Variants in PHLDB1 observed in about 807,000 individuals in gnomAD.
PHLDB1 encodes the protein pleckstrin homology-like domain family B member 1.
Under a neutral mutation model 139.3 loss-of-function variants are expected in PHLDB1, and 65 were observed. The observed-to-expected ratio is 0.47, with a 90% confidence interval of 0.38 to 0.57. The LOEUF is 0.57. PHLDB1 is among the 20% of genes least tolerant of loss of function. The pLI is 0.00. For synonymous variants in PHLDB1, 679 were observed against 734.5 expected (o/e 0.92, Z 1.22); for missense variants, 1,624 against 1,839.7 (o/e 0.88, Z 2.14).
chr11:118,650,345 T>C lies in PHLDB1; in HGVS notation c.3772-100T>C, dbSNP rs782137028. 4.0e-6 allele frequency: 4 copies of C among 1,007,968 alleles called. No homozygotes were observed. Among genetic ancestry groups the C allele is most frequent in the Non-Finnish European group, 6.4e-6 (4 of 629,200 alleles). The allele number at this position is 1,007,968 out of a possible 1,614,324, so 62.4% of individuals were successfully genotyped here. ...CCTGGTGTGCTGGCCTGAGGAGATG[T>C]TGGGGACAATCCCCCATGAATACAG... On this transcript the variant is annotated intron_variant, in intron 19 of 22. Coordinates refer to ENST00000600882, the MANE Select transcript of PHLDB1 (RefSeq NM_001144758.3). The surrounding 1 kb of genome is among the most constrained non-coding windows in gnomAD (Gnocchi z 4.7).
rs925895710 is a variant in PHLDB1, at chr11:118,611,645, C to A, written c.-21-2171C>A. 6.6e-6 allele frequency among the ~76,000 whole-genome samples: 1 copy of A among 151,946 alleles called. No individual in the cohort carries two copies. Among genetic ancestry groups the A allele is most frequent in the Non-Finnish European group, 1.5e-5 (1 of 67,974 alleles). ...TCGAGGCGGGCGGATCACCTGAGGT[C>A]GGGAGTTCGAGACCAGCCTGACCAA... On this transcript the variant is annotated intron_variant, in intron 1 of 22. Transcript: ENST00000600882. The surrounding 1 kb of genome is among the most constrained non-coding windows in gnomAD (Gnocchi z 4.7).
intron 4 of PHLDB1, among the ~76,000 whole-genome samples, chr11:118,619,851 A>G (rs1555093006): frequency 6.6e-6 from 1 of 152,178 alleles, no homozygotes; most frequent in Non-Finnish European, 1.5e-5. Flanking sequence ...TTATTCATCT[A>G]AGAGGTTGAT....
rs1464641956 is a variant in PHLDB1, at chr11:118,608,091, C to T, written c.-22+392C>T. Among the ~76,000 whole-genome samples the T allele has an allele frequency of 1.3e-5, 2 of 151,994 alleles. No individual in the cohort carries two copies. The highest frequency in any genetic ancestry group is 2.9e-5 in the Non-Finnish European group (2 of 67,948). On this transcript the variant is annotated intron_variant, in intron 1 of 22. Transcript: ENST00000600882. This position sits in a 1 kb window ranked among gnomAD's most constrained non-coding sequence, Gnocchi z 6.7. Reference sequence around the variant, plus strand: ...GCGCGGGTTTTCGTCCTCCAGCGCCCCACACCTCCCCCTCTCCGCCCACAG... The same window carrying T: ...GCGCGGGTTTTCGTCCTCCAGCGCCTCACACCTCCCCCTCTCCGCCCACAG...
At chr11:118,646,084 C>T (rs1199496509) in intron 17 of PHLDB1, among the ~76,000 whole-genome samples, 1 of 150,816 alleles carries the variant, frequency 6.6e-6, no homozygotes, top group African/African-American at 2.5e-5. Context: ...CACGGTGAAA[C>T]CCCGTCTCTA....
chr11:118,628,731 G>T, intron 6 of PHLDB1, 81 bp downstream of exon 6: 1 of 1,386,926 alleles, frequency 7.2e-7, no homozygotes, highest in South Asian at 1.3e-5. Flanking sequence ...GGCAGAGCAG[G>T]AGAGGCCCTC....
In PHLDB1 at chr11:118,618,809, C is replaced by A. The variant is rs184883115; in HGVS notation, c.355+2598C>A. Reference sequence around the variant, plus strand: ...GAGTGTGCTTTGGCCTTAGATGCATCATTCTGGGCACTGTGCCCAGCCATA... The same window carrying A: ...GAGTGTGCTTTGGCCTTAGATGCATAATTCTGGGCACTGTGCCCAGCCATA... On this transcript the variant is annotated intron_variant, in intron 4 of 22. Coordinates refer to ENST00000600882, the MANE Select transcript of PHLDB1 (RefSeq NM_001144758.3). Among the ~76,000 whole-genome samples, 4 of 151,762 alleles carry A rather than the reference C, an allele frequency of 2.6e-5. No individual in the cohort carries two copies. In the East Asian group the frequency reaches 7.9e-4, roughly 30 times the overall value.
chr11:118,644,126 A>G lies in PHLDB1; in HGVS notation c.3073A>G (p.Thr1025Ala), dbSNP rs1555124544. ...TGSLPRNLAA[T>A]LQDIETKRQL... is the part of the protein sequence containing the mutation. ...CAGCCTTCCTCGCAACCTGGCAGCC[A>G]CACTGCAGGACATCGAGACCAAGCG... Residue 1025 changes from threonine to alanine, a missense_variant, in exon 15 of 23, where the codon ACA (threonine) becomes GCA (alanine). Coordinates refer to ENST00000600882, the MANE Select transcript of PHLDB1 (RefSeq NM_001144758.3). 1 of 1,613,828 alleles carries G rather than the reference A, an allele frequency of 6.2e-7. No individual in the cohort carries two copies. Among genetic ancestry groups the G allele is most frequent in the Admixed American group, 1.7e-5 (1 of 60,016 alleles).
chr11:118,627,312 A>T lies in PHLDB1; in HGVS notation c.489A>T (p.Ser163=). 1 of 1,613,226 alleles carries T rather than the reference A, an allele frequency of 6.2e-7. No individual in the cohort carries two copies. Among genetic ancestry groups the T allele is most frequent in the Non-Finnish European group, 8.5e-7 (1 of 1,179,796 alleles). The part of the protein sequence containing the change: ...GPPYSPVPAE[S]ESLVNGNHTP... Reference sequence around the variant, plus strand: ...CTTTGCATTTCCCTCCAGCAGAATCAGAAAGTCTGGTAAATGGGAACCACA... The same window carrying T: ...CTTTGCATTTCCCTCCAGCAGAATCTGAAAGTCTGGTAAATGGGAACCACA... Residue 163 remains serine, a synonymous_variant, in exon 6 of 23, where the codon TCA becomes TCT. Transcript: ENST00000600882.
Position 118,612,990 on chromosome 11 carries a change from G to A in PHLDB1, c.-21-826G>A, listed in dbSNP as rs535165846. Among the ~76,000 whole-genome samples the A allele has an allele frequency of 2.0e-5, 3 of 152,256 alleles. No homozygotes were observed. The South Asian group carries it at 6.2e-4, about 32-fold the overall frequency. Reference sequence around the variant, plus strand: ...AAACATGAGCCAGGGAGAGAGGGATGCATGGTGGGTGAGGGGCAGTGGGGT... The same window carrying A: ...AAACATGAGCCAGGGAGAGAGGGATACATGGTGGGTGAGGGGCAGTGGGGT... On this transcript the variant is annotated intron_variant, in intron 1 of 22. Coordinates refer to ENST00000600882, the MANE Select transcript of PHLDB1 (RefSeq NM_001144758.3).
rs1555142313 is a variant in PHLDB1, at chr11:118,656,845, A to G, written c.*22A>G. 6.3e-7 allele frequency: 1 copy of G among 1,597,066 alleles called. No homozygotes were observed. The highest frequency in any genetic ancestry group is 1.3e-5 in the African/African-American group (1 of 74,504). On this transcript the variant is annotated 3_prime_UTR_variant, in exon 23 of 23. Transcript: ENST00000600882. ...CTAACTGCCGTGGGCCTCCTGGCAGAGCACAACTGGGGCTTTTGTATAAGA... is the reference window on the plus strand; with the variant it reads ...CTAACTGCCGTGGGCCTCCTGGCAGGGCACAACTGGGGCTTTTGTATAAGA...
At chr11:118,647,785 T>C in intron 17 of PHLDB1, 145 bp from the exon 18 acceptor site, 1 of 803,760 alleles carries the variant, frequency 1.2e-6, no homozygotes, top group Non-Finnish European at 1.9e-6. Context: ...CCAGGGCTCT[T>C]GGAGAGGGTG....
chr11:118,645,956 A>C lies in PHLDB1; in HGVS notation c.3507+131A>C. Reference sequence around the variant, plus strand: ...CTTGCCACATTCCCTTGGGGTAGAAAATGTTTTAAAAGGTTGTATTCTGGC... The same window carrying C: ...CTTGCCACATTCCCTTGGGGTAGAACATGTTTTAAAAGGTTGTATTCTGGC... On this transcript the variant is annotated intron_variant, in intron 17 of 22. Transcript: ENST00000600882. This position sits in a 1 kb window ranked among gnomAD's most constrained non-coding sequence, Gnocchi z 5.1. The C allele has an allele frequency of 1.4e-6, 1 of 709,202 alleles. No individual in the cohort carries two copies. The allele number at this position is 709,202 out of a possible 1,614,324, so 43.9% of individuals were successfully genotyped here.
Position 118,643,902 on chromosome 11 carries a change from C to A in PHLDB1, c.2980C>A (p.Leu994Ile), listed in dbSNP as rs895532986. Residue 994 changes from leucine (L) to isoleucine (I), a missense_variant, in exon 14 of 23, where the codon CTC (leucine) becomes ATC (isoleucine). Transcript: ENST00000600882. ...SSGSSSSSSQ[L>I]SVATLGRSPS... ...TGGCTCTTCCTCCTCCTCCTCCCAG[C>A]TCAGCGTGGCTACCCTGGGGCGTAG... 6 of 1,609,786 alleles carry A rather than the reference C, an allele frequency of 3.7e-6. No individual in the cohort carries two copies. The highest frequency in any genetic ancestry group is 5.1e-6 in the Non-Finnish European group (6 of 1,177,902).
intron 18 of PHLDB1, 109 bp from the exon 19 acceptor site, chr11:118,649,968 G>C: frequency 1.3e-6 from 1 of 796,382 alleles, no homozygotes; most frequent in Non-Finnish European, 2.2e-6. Context: ...CATGGGTTAG[G>C]GAGGTGTGAT....
intron 6 of PHLDB1, among the ~76,000 whole-genome samples, chr11:118,630,316 G>C (rs555508005): frequency 3.9e-5 from 6 of 152,210 alleles, no homozygotes; most frequent in Non-Finnish European, 7.4e-5. Context: ...AGAGGTGACT[G>C]TATCTGGGTG....
chr11:118,629,902 C>T (rs1565440808), intron 6 of PHLDB1: 1 of 695,496 alleles, frequency 1.4e-6, no homozygotes, highest in Non-Finnish European at 2.1e-6. Context: ...ACCTGCCTCA[C>T]CTGCCACTTT....
At position 118,650,148 on chromosome 11, in the gene PHLDB1, G is replaced by T. The variant is rs971675562; in HGVS notation, c.3726G>T (p.Ser1242=). 1.9e-6 allele frequency: 3 copies of T among 1,614,080 alleles called. No individual in the cohort carries two copies. Among genetic ancestry groups the T allele is most frequent in the Admixed American group, 1.7e-5 (1 of 60,034 alleles). ...DFDLKTHIES[S]GHGVDTCLHV... is the part of the protein sequence containing the mutation. ...ACCTGAAGACACATATTGAGTCATC[G>T]GGCCATGGTGTTGATACCTGCCTGC... Residue 1242 remains serine, a synonymous_variant, in exon 19 of 23, where the codon TCG becomes TCT. Transcript: ENST00000600882. The surrounding 1 kb of genome is among the most constrained non-coding windows in gnomAD (Gnocchi z 4.7).
At chr11:118,615,978 T>G in intron 3 of PHLDB1, 63 bp from the exon 4 acceptor site, 2 of 1,388,690 alleles carry the variant, frequency 1.4e-6, no homozygotes, top group Non-Finnish European at 2.0e-6. Flanking sequence ...TGGCCCTCCT[T>G]GCCCTGTCAC....
intron 20 of PHLDB1, chr11:118,652,319 G>T (rs1948459280): frequency 1.3e-5 from 2 of 152,262 alleles, no homozygotes; most frequent in South Asian, 4.1e-4. Flanking sequence ...GAGGGACTAG[G>T]GACTTTGGAG....
Sources: gnomAD v4.1 joint callset for allele counts (sites outside exome capture counted in the v4.1 genomes callset) on GRCh38, gnomAD v4.1.1 for gene constraint, Gnocchi (gnomAD v3.1) non-coding constraint, MANE v1.5 for transcripts, NCBI Gene and HGNC (gene_info 2026-07-23, HGNC 2026-07-21) for gene names.